The following NAV2 variants were observed in gnomAD, a reference collection of about 807,000 sequenced individuals.
NAV2 encodes the protein helicase, APC down-regulated 1.
A neutral mutation model predicts 223.2 loss-of-function variants in NAV2; 54 were observed. That is an observed-to-expected ratio of 0.24 (90% CI 0.19 to 0.30). The LOEUF is 0.30. Among genes scored for constraint, NAV2 ranks in the 10% least tolerant of loss-of-function variants. NAV2 has a pLI of 1.00. For synonymous variants in NAV2, 1,279 were observed against 1,239.3 expected, an observed-to-expected ratio of 1.03 and a Z score of -0.67; for missense variants, 2,806 against 3,147.5, an observed-to-expected ratio of 0.89 and a Z score of 2.60.
intron 6 of NAV2, among the ~76,000 whole-genome samples, chr11:19,925,745 C>A (rs1279465798): frequency 1.4e-5 from 2 of 142,710 alleles, no homozygotes; most frequent in Non-Finnish European, 3.0e-5. Flanking sequence ...AAGATTCTGT[C>A]TCAAAAAAAA....
chr11:19,843,073 C>A (rs955578892), intron 3 of NAV2, 150 bp downstream of exon 3: 24 of 654,352 alleles, frequency 3.7e-5, no homozygotes, highest in Admixed American at 2.1e-4. Context: ...TAGCTGTGTT[C>A]TGCTTTTCTG....
At chr11:19,888,665 C>A (rs2041234900) in intron 5 of NAV2, among the ~76,000 whole-genome samples, 1 of 152,242 alleles carries the variant, frequency 6.6e-6, no homozygotes, top group Admixed American at 6.5e-5. Context: ...GTCTTCCCTT[C>A]CCTGCCCTGC....
chr11:19,736,373 T>G (rs904891698), intron 1 of NAV2, among the ~76,000 whole-genome samples: 13 of 152,140 alleles, frequency 8.5e-5, no homozygotes, highest in African/African-American at 3.1e-4. Flanking sequence ...CCAGGACTGG[T>G]GGGCCAGACA....
chr11:19,519,000 G>A lies in NAV2; in HGVS notation c.75+167973G>A, dbSNP rs115153826. ...ATGAGAGTCTGCCACCCAGAAGAGG[G>A]CCCTCACCAGAACCTGGCCATGCTG... On this transcript the variant is annotated intron_variant, in intron 1 of 37. Coordinates refer to the NAV2 transcript ENST00000360655. Among the ~76,000 whole-genome samples the A allele has an allele frequency of 6.8e-3, 1,036 of 152,246 alleles. 17 individuals carry two copies. Among genetic ancestry groups the A allele is most frequent in the African/African-American group, 0.023 (963 of 41,546 alleles).
At chr11:20,085,201 A>AG (rs1363185136) in intron 26 of NAV2, among the ~76,000 whole-genome samples, 2 of 151,620 alleles carry the variant, frequency 1.3e-5, no homozygotes, top group Non-Finnish European at 2.9e-5. Context: ...TATTTAAAAA[A>AG]AAAAAAAAAG....
At chr11:19,709,564 A>T, upstream of NAV2, among the ~76,000 whole-genome samples, 1 of 151,150 alleles carries the variant, frequency 6.6e-6, no homozygotes, top group East Asian at 2.0e-4. Context: ...AAAAAAAAAA[A>T]AAAAAGATAT....
intron 1 of NAV2, among the ~76,000 whole-genome samples, chr11:19,613,998 A>G (rs1401352028): frequency 6.6e-6 from 1 of 152,194 alleles, no homozygotes; most frequent in Non-Finnish European, 1.5e-5. Flanking sequence ...CTATATGCCC[A>G]ACCTGATAAT....
chr11:19,939,523 C>T (rs544503495), intron 7 of NAV2, 138 bp from the exon 8 acceptor site: 2 of 605,194 alleles, frequency 3.3e-6, no homozygotes, highest in South Asian at 2.2e-5. Flanking sequence ...AATTATTTAG[C>T]GTCAGTCTGC....
intron 1 of NAV2, among the ~76,000 whole-genome samples, chr11:19,393,803 T>G (rs1228747283): frequency 6.6e-6 from 1 of 152,120 alleles, no homozygotes; most frequent in Non-Finnish European, 1.5e-5. Context: ...TAGTAGCAAT[T>G]TGCTCGCCTT....
At chr11:19,362,558 G>T (rs553920873) in intron 1 of NAV2, among the ~76,000 whole-genome samples, 4 of 152,208 alleles carry the variant, frequency 2.6e-5, no homozygotes, top group Admixed American at 2.6e-4. Context: ...GGAAAGCACT[G>T]CTCTGTAGCA....
At chr11:19,381,301 G>A (rs1043977691) in intron 1 of NAV2, among the ~76,000 whole-genome samples, 1 of 152,142 alleles carries the variant, frequency 6.6e-6, no homozygotes, top group African/African-American at 2.4e-5. Context: ...TGATTTATTA[G>A]ATTTGGTATT....
chr11:19,444,699 T>C (rs1851521470), intron 1 of NAV2, among the ~76,000 whole-genome samples: 1 of 133,730 alleles, frequency 7.5e-6, no homozygotes, highest in Admixed American at 7.8e-5. Flanking sequence ...TACATTGTTA[T>C]TGCTGTTGTT....
intron 1 of NAV2, among the ~76,000 whole-genome samples, chr11:19,391,518 C>A (rs1849247587): frequency 6.6e-6 from 1 of 152,158 alleles, no homozygotes; most frequent in Non-Finnish European, 1.5e-5. Flanking sequence ...ATAATGTCCC[C>A]TTACATTGGA....
intron 1 of NAV2, among the ~76,000 whole-genome samples, chr11:19,723,447 C>T (rs1012330706): frequency 6.6e-6 from 1 of 152,206 alleles, no homozygotes; most frequent in African/African-American, 2.4e-5. Context: ...CTTTTAACCA[C>T]TGCCTTCTTT....
At chr11:19,685,862 A>G (rs2152243258) in intron 1 of NAV2, among the ~76,000 whole-genome samples, 1 of 152,314 alleles carries the variant, frequency 6.6e-6, no homozygotes, top group Admixed American at 6.5e-5. Flanking sequence ...CACGCTCTGC[A>G]CCAAGAGGTG....
At chr11:19,792,007 C>G (rs558813331) in intron 1 of NAV2, among the ~76,000 whole-genome samples, 1 of 152,242 alleles carries the variant, frequency 6.6e-6, no homozygotes, top group Admixed American at 6.5e-5. Context: ...ATGCTGGGCC[C>G]CCATGAGAGG....
chr11:19,456,570 C>T (rs983750125), intron 1 of NAV2, among the ~76,000 whole-genome samples: 2 of 152,184 alleles, frequency 1.3e-5, no homozygotes, highest in African/African-American at 4.8e-5. Context: ...GCTTTGGCCC[C>T]CAACCCTACA....
intron 10 of NAV2, among the ~76,000 whole-genome samples, chr11:19,965,987 A>G (rs1352583170): frequency 6.6e-6 from 1 of 152,232 alleles, no homozygotes; most frequent in African/African-American, 2.4e-5. Context: ...CAGCCTCTCC[A>G]CATGGCGTGG....
intron 19 of NAV2, chr11:20,056,546 T>C: frequency 1.2e-6 from 2 of 1,612,966 alleles, no homozygotes; most frequent in Non-Finnish European, 1.7e-6. Context: ...GGGAGAAAAG[T>C]TCTGTGGACA....
Sources: gnomAD v4.1 joint callset for allele counts (sites outside exome capture counted in the v4.1 genomes callset) on GRCh38, gnomAD v4.1.1 for gene constraint, MANE v1.5 for transcripts, NCBI Gene and HGNC (gene_info 2026-07-23, HGNC 2026-07-21) for gene names.